The following ZNF142 variants were observed in gnomAD, a reference collection of about 807,000 sequenced individuals.
ZNF142 encodes zinc finger protein 142.
ZNF142 carries 96 observed loss-of-function variants against 132.1 expected under a neutral mutation model. The ratio of observed to expected loss-of-function variants is 0.73; its 90% CI spans 0.62 to 0.86. The LOEUF (loss-of-function observed/expected upper bound fraction) is 0.86. ZNF142 is among the 40% of genes least tolerant of loss of function. The pLI, the probability that ZNF142 is intolerant of heterozygous loss-of-function variation, is 0.00. For missense variants in ZNF142, 2,163 were observed against 2,336.2 expected, an observed-to-expected ratio of 0.93 and a Z score of 1.53; for synonymous variants, 842 against 890.1, an observed-to-expected ratio of 0.95 and a Z score of 0.96.
rs1188979978 is a variant in ZNF142, at chr2:218,642,519, A to G, written c.4597T>C (p.Cys1533Arg). 1.2e-6 allele frequency: 2 copies of G among 1,608,528 alleles called. No individual in the cohort carries two copies. Among genetic ancestry groups the G allele is most frequent in the Admixed American group, 1.7e-5 (1 of 59,862 alleles). ...GCAGGGCTGGGGCACAGCAACCCAC[A>G]GCGGGAACAGTGCAGGGGGCCCTCA... ...TTEGPLHCSR[C>R]GLLCPSPASL... Residue 1533 changes from cysteine to arginine, a missense_variant, in exon 9 of 11, where the codon TGT (cysteine) becomes CGT (arginine). Physicochemically the swap from Cys to Arg is radical, Grantham distance 180. This residue lies in a region of ZNF142 where 809 missense variants were observed against 801.7 expected (regional missense o/e 1.01). Transcript: ENST00000411696. The surrounding 1 kb of genome is among the most constrained non-coding windows in gnomAD (Gnocchi z 4.6).
chr2:218,657,773 G>A (rs1938667075), intron 3 of ZNF142, among the ~76,000 whole-genome samples: 1 of 152,052 alleles, frequency 6.6e-6, no homozygotes, highest in Non-Finnish European at 1.5e-5. Context: ...GCGTCCTAAG[G>A]GCACTCTGTA....
chr2:218,656,581 G>A, intron 3 of ZNF142, 118 bp from the exon 4 acceptor site: 3 of 560,638 alleles, frequency 5.4e-6, no homozygotes, highest in Non-Finnish European at 8.5e-6. Flanking sequence ...ATGGCAATAT[G>A]CCATATATAC....
rs1174502464 is a variant in ZNF142 at position 218,636,414 on chromosome 2, CT to C, written c.*1924del. The C allele has an allele frequency of 6.2e-7, 1 of 1,613,896 alleles. No individual in the cohort carries two copies. Among genetic ancestry groups the C allele is most frequent in the Non-Finnish European group, 8.5e-7 (1 of 1,179,888 alleles). On this transcript the variant is annotated 3_prime_UTR_variant, in exon 11 of 11. Transcript: ENST00000411696. ...CAAGGTGAGCCAGCCCCTTTGGCCC[CT>C]GGCCAATACCCCAGCTCTGGCTGCC...
chr2:218,645,502 C>CCAT (rs1207830653), intron 8 of ZNF142, among the ~76,000 whole-genome samples: 1 of 152,202 alleles, frequency 6.6e-6, no homozygotes, highest in Non-Finnish European at 1.5e-5. Flanking sequence ...GCCAGCTGTG[C>CCAT]CATAGGTCAG....
chr2:218,649,488 G>A (rs1177208551), intron 6 of ZNF142, 29 bp from the exon 7 acceptor site: 3 of 1,509,678 alleles, frequency 2.0e-6, no homozygotes, highest in Admixed American at 2.3e-5. Flanking sequence ...AGAGTTGAGA[G>A]AGTGAGATTT....
rs1230768456 is a variant in ZNF142, at chr2:218,649,477, G to A, written c.1049-18C>T. The A allele has an allele frequency of 6.6e-6, 10 of 1,516,424 alleles. No homozygotes were observed. The highest frequency in any genetic ancestry group is 8.8e-6 in the Non-Finnish European group (10 of 1,131,828). The allele number at this position is 1,516,424 out of a possible 1,614,324, so 93.9% of individuals were successfully genotyped here. A position where few individuals can be genotyped will look rare whatever the true frequency, so the allele number is the denominator to read the frequency against. On this transcript the variant is annotated intron_variant, in intron 6 of 10. Transcript: ENST00000411696. ...CACATCCCCTGGGAAAGGGAATACAGAGAGTTGAGAGAGTGAGATTTTTCT... is the reference window on the plus strand; with the variant it reads ...CACATCCCCTGGGAAAGGGAATACAAAGAGTTGAGAGAGTGAGATTTTTCT...
At chr2:218,640,397 G>A (rs565572155) in intron 10 of ZNF142, among the ~76,000 whole-genome samples, 13 of 152,314 alleles carry the variant, frequency 8.5e-5, no homozygotes, top group African/African-American at 2.9e-4. Context: ...GTTCTCAAGA[G>A]GGGAAAAATG....
Position 218,656,417 on chromosome 2 carries a change from G to C in ZNF142, c.13C>G (p.Leu5Val), listed in dbSNP as rs552892991. 2 of 1,432,936 alleles carry C rather than the reference G, an allele frequency of 1.4e-6. No individual in the cohort carries two copies. The highest frequency in any genetic ancestry group is 2.9e-5 in the African/African-American group (2 of 70,062). 88.8% of individuals were successfully genotyped at this position (1,432,936 alleles called of 1,614,324 possible). ...CTACTGGCTGGCTGTGAGTCCAAAA[G>C]GGGGTCTGTCATCACCACCGACTTG... MTDP[L>V]LDSQPASSTG... Residue 5 changes from leucine to valine, a missense_variant, in exon 4 of 11, where the codon CTT (leucine) becomes GTT (valine). Transcript: ENST00000411696.
In ZNF142 at chr2:218,644,942, T is replaced by C; in HGVS notation, c.2174A>G (p.Tyr725Cys). The change falls in exon 9 of 11, where the codon TAT becomes TGT. Residue 725 changes from tyrosine to cysteine, a missense_variant. This residue lies in a region of ZNF142 where 749 missense variants were observed against 830.3 expected (regional missense o/e 0.90). Transcript: ENST00000411696. The surrounding 1 kb of genome is among the most constrained non-coding windows in gnomAD (Gnocchi z 4.6). ...EVCAFACKRK[Y>C]ELQKHMASQH... ...GGAAGCCATGTGCTTCTGCAGCTCA[T>C]ACTTCCGCTTGCAGGCGAAGGCACA... The C allele has an allele frequency of 6.2e-7, 1 of 1,614,132 alleles. No homozygotes were observed. Among genetic ancestry groups the C allele is most frequent in the South Asian group, 1.1e-5 (1 of 91,084 alleles).
In ZNF142 at chr2:218,652,235, T is replaced by C. The variant is rs928677082; in HGVS notation, c.346A>G (p.Thr116Ala). 2 of 456,512 alleles carry C rather than the reference T, an allele frequency of 4.4e-6. No individual in the cohort carries two copies. Among genetic ancestry groups the C allele is most frequent in the East Asian group, 1.4e-4 (2 of 14,400 alleles). The allele number at this position is 456,512 out of a possible 1,614,324, so 28.3% of individuals were successfully genotyped here. A position where few individuals can be genotyped will look rare whatever the true frequency, so the allele number is the denominator to read the frequency against. ...ERCEQSFAEP[T>A]LLALHQCSET... ...CTGCACTGGTGCAGGGCCAGCAGAG[T>C]GGGCTCTGCGAAGCTCTGTTCACAG... The change falls in exon 5 of 11, where the codon ACT (threonine) becomes GCT (alanine). Residue 116 changes from threonine to alanine, a missense_variant. By Grantham distance (58) the Thr-to-Ala change is moderately conservative (BLOSUM62 0). Transcript: ENST00000411696.
At position 218,636,194 on chromosome 2, in the gene ZNF142, A is replaced by G. The variant is rs768761276; in HGVS notation, c.*2145T>C. 6.3e-7 allele frequency: 1 copy of G among 1,584,008 alleles called. No individual in the cohort carries two copies. Among genetic ancestry groups the G allele is most frequent in the Admixed American group, 1.7e-5 (1 of 59,550 alleles). ...AGAACACAAGAAAAGCAACCCAGTC[A>G]AGAAAACTGTCATAATGTCTTCTTA... On this transcript the variant is annotated 3_prime_UTR_variant, in exon 11 of 11. Coordinates refer to ENST00000411696, the MANE Select transcript of ZNF142 (RefSeq NM_001379659.1).
At position 218,644,649 on chromosome 2, in the gene ZNF142, G is replaced by T. The variant is rs775913850; in HGVS notation, c.2467C>A (p.Pro823Thr). ...EPEGAMQGPT[P>T]PPDSEPSNQL... ...TTTGAGGGCTCTGAATCTGGTGGGG[G>T]TGTTGGGCCCTGCATGGCCCCTTCT... Residue 823 changes from proline (P) to threonine (T), a missense_variant, in exon 9 of 11, where the codon CCC becomes ACC. By Grantham distance (38) the Pro-to-Thr change is conservative. This residue lies in a region of ZNF142 where 749 missense variants were observed against 830.3 expected (regional missense o/e 0.90). Transcript: ENST00000411696. The surrounding 1 kb of genome is among the most constrained non-coding windows in gnomAD (Gnocchi z 4.6). 1 of 1,614,246 alleles carries T rather than the reference G, an allele frequency of 6.2e-7. No individual in the cohort carries two copies. Among genetic ancestry groups the T allele is most frequent in the South Asian group, 1.1e-5 (1 of 91,092 alleles).
rs1938009899 is a variant in ZNF142, at chr2:218,651,725, G to C, written c.856C>G (p.Leu286Val). Reference sequence around the variant, plus strand: ...CCTGGCAGCAGCTCCTGGGATGGAAGGCCCTGAACGGCAGAAAGTTCTCCC... The same window carrying C: ...CCTGGCAGCAGCTCCTGGGATGGAACGCCCTGAACGGCAGAAAGTTCTCCC... ...TQGELSAVQG[L>V]PSQELLPAPK... Residue 286 changes from leucine to valine, a missense_variant, in exon 5 of 11, where the codon CTT (leucine) becomes GTT (valine). Coordinates refer to ENST00000411696, the MANE Select transcript of ZNF142 (RefSeq NM_001379659.1). The C allele has an allele frequency of 7.8e-7, 1 of 1,287,578 alleles. No homozygotes were observed. Among genetic ancestry groups the C allele is most frequent in the African/African-American group, 1.5e-5 (1 of 65,862 alleles). 79.8% of individuals were successfully genotyped at this position (1,287,578 alleles called of 1,614,324 possible). A position where few individuals can be genotyped will look rare whatever the true frequency, so the allele number is the denominator to read the frequency against.
chr2:218,636,392 G>A lies in ZNF142; in HGVS notation c.*1947C>T. ...CCTGCCTTGGACCTGCATGCAACAA[G>A]GTGAGCCAGCCCCTTTGGCCCCTGG... On this transcript the variant is annotated 3_prime_UTR_variant, in exon 11 of 11. Transcript: ENST00000411696. The A allele has an allele frequency of 6.2e-7, 1 of 1,614,042 alleles. No homozygotes were observed. The highest frequency in any genetic ancestry group is 2.2e-5 in the East Asian group (1 of 44,878).
Position 218,633,408 on chromosome 2 carries a change from G to T in ZNF142, c.*4931C>A. On this transcript the variant is annotated 3_prime_UTR_variant, in exon 11 of 11. Transcript: ENST00000411696. ...CAGGTTGTGACGTGCCCGCTGTTTT[G>T]TCCGTCTATCTGTTGTCAGATTGTG... The T allele has an allele frequency of 1.4e-6, 1 of 728,600 alleles. No homozygotes were observed. Among genetic ancestry groups the T allele is most frequent in the Non-Finnish European group, 2.5e-6 (1 of 407,512 alleles). 45.1% of individuals were successfully genotyped at this position (728,600 alleles called of 1,614,324 possible). A position where few individuals can be genotyped will look rare whatever the true frequency, so the allele number is the denominator to read the frequency against.
intron 8 of ZNF142, 92 bp from the exon 9 acceptor site, chr2:218,645,156 C>T: frequency 6.8e-7 from 1 of 1,480,192 alleles, no homozygotes; most frequent in Admixed American, 1.9e-5. Context: ...CCAGGCTCTG[C>T]ACTCAGTATC....
Position 218,640,657 on chromosome 2 carries a change from G to A in ZNF142, c.5194+7C>T. Reference sequence around the variant, plus strand: ...CCTTCAGGCCTGTCGAAACCACACAGACTCACCTGTATGCTTGGTCATGTG... The same window carrying A: ...CCTTCAGGCCTGTCGAAACCACACAAACTCACCTGTATGCTTGGTCATGTG... On this transcript the variant is annotated splice_region_variant and intron_variant, in intron 10 of 10. Coordinates refer to ENST00000411696, the MANE Select transcript of ZNF142 (RefSeq NM_001379659.1). 1 of 1,613,676 alleles carries A rather than the reference G, an allele frequency of 6.2e-7. No individual in the cohort carries two copies.
At position 218,637,049 on chromosome 2, in the gene ZNF142, G is replaced by A. The variant is rs1244659185; in HGVS notation, c.*1290C>T. 2.5e-6 allele frequency: 1 copy of A among 395,356 alleles called. No individual in the cohort carries two copies. The highest frequency in any genetic ancestry group is 7.1e-5 in the East Asian group (1 of 14,158). The allele number at this position is 395,356 out of a possible 1,614,324, so 24.5% of individuals were successfully genotyped here. On this transcript the variant is annotated 3_prime_UTR_variant, in exon 11 of 11. Transcript: ENST00000411696. ...CAAGGCTCAAGGCTTCCCCAGCAAA[G>A]ATTAGGGAAAGAGACTTGACCCCAG... is the stretch of plus-strand genomic sequence containing the variant.
At position 218,634,127 on chromosome 2, in the gene ZNF142, T is replaced by A; in HGVS notation, c.*4212A>T. ...CAGGCAATGAGTTTGTGCAGCACAA[T>A]ACTTGGCAGTTAAGCCGTGTGTATC... On this transcript the variant is annotated 3_prime_UTR_variant, in exon 11 of 11. Transcript: ENST00000411696. The surrounding 1 kb of genome is among the most constrained non-coding windows in gnomAD (Gnocchi z 4.0). The A allele has an allele frequency of 6.2e-7, 1 of 1,611,876 alleles. No homozygotes were observed. The highest frequency in any genetic ancestry group is 1.1e-5 in the South Asian group (1 of 90,504).
Sources: gnomAD v4.1 joint callset for allele counts (sites outside exome capture counted in the v4.1 genomes callset) on GRCh38, gnomAD v4.1.1 for gene constraint, gnomAD v4.1.1 regional missense constraint, Gnocchi (gnomAD v3.1) non-coding constraint, MANE v1.5 for transcripts, NCBI Gene and HGNC (gene_info 2026-07-23, HGNC 2026-07-21) for gene names.